The following C12orf42 variants were observed in gnomAD, a reference collection of about 807,000 sequenced individuals.
The protein encoded by C12orf42 is chromosome 12 open reading frame 42.
A neutral mutation model predicts 21.6 loss-of-function variants in C12orf42; 25 were observed. The ratio of observed to expected loss-of-function variants is 1.16; its 90% confidence interval spans 0.84 to 1.62. C12orf42 has a LOEUF of 1.62. C12orf42 is among the 40% of genes most tolerant of loss of function. C12orf42 has a pLI of 0.00. For synonymous variants in C12orf42, 174 were observed against 175.0 expected, an observed-to-expected ratio of 0.99 and a Z score of 0.05; for missense variants, 483 against 459.3, an observed-to-expected ratio of 1.05 and a Z score of -0.47.
chr12:103,251,876 A>C (rs1044747285), intron 10 of C12orf42, among the ~76,000 whole-genome samples: 1 of 152,172 alleles, frequency 6.6e-6, no homozygotes, highest in African/African-American at 2.4e-5. Context: ...TAAAAATATA[A>C]ATTTTCTTAA....
the C12orf42 span, among the ~76,000 whole-genome samples, chr12:103,121,134 C>G: frequency 6.6e-6 from 1 of 152,060 alleles, no homozygotes; most frequent in East Asian, 1.9e-4. Flanking sequence ...AAATTTAAAA[C>G]CAGGGTAAAT....
At chr12:103,101,654 A>G in the C12orf42 span, among the ~76,000 whole-genome samples, 11 of 152,366 alleles carry the variant, frequency 7.2e-5, no homozygotes, top group African/African-American at 2.6e-4. Context: ...TGGATATTTC[A>G]TAAGTGCCTC....
chr12:103,062,638 G>A, the C12orf42 span, among the ~76,000 whole-genome samples: 5 of 152,224 alleles, frequency 3.3e-5, no homozygotes, highest in Non-Finnish European at 5.9e-5. Context: ...CTAATATAAC[G>A]TGTCTTTGTT....
chr12:103,393,715 G>C (rs1401427646), intron 3 of C12orf42, among the ~76,000 whole-genome samples: 3 of 152,100 alleles, frequency 2.0e-5, no homozygotes, highest in African/African-American at 4.8e-5. Flanking sequence ...TTAATGCCTA[G>C]TATATATTGC....
At chr12:103,158,601 C>T in the C12orf42 span, among the ~76,000 whole-genome samples, 4 of 152,166 alleles carry the variant, frequency 2.6e-5, no homozygotes, top group East Asian at 7.7e-4. Flanking sequence ...GGATTGATGG[C>T]TAGGTGTGGT....
chr12:103,239,123 T>A (rs1225063469), intron 10 of C12orf42, among the ~76,000 whole-genome samples: 2 of 152,218 alleles, frequency 1.3e-5, no homozygotes, highest in African/African-American at 4.8e-5. Context: ...AGGCACTCTA[T>A]AATATTTGGA....
At chr12:103,233,666 A>C (rs942074819), downstream of C12orf42, among the ~76,000 whole-genome samples, 3 of 152,184 alleles carry the variant, frequency 2.0e-5, no homozygotes, top group African/African-American at 7.2e-5. Flanking sequence ...TTTATATATT[A>C]ACCTTCCACC....
chr12:103,163,260 A>C, the C12orf42 span, among the ~76,000 whole-genome samples: 1 of 152,234 alleles, frequency 6.6e-6, no homozygotes, highest in Non-Finnish European at 1.5e-5. Context: ...AATTGGCTAA[A>C]TTGATCCTGC....
chr12:103,132,584 G>T, the C12orf42 span, among the ~76,000 whole-genome samples: 2 of 152,154 alleles, frequency 1.3e-5, no homozygotes, highest in Non-Finnish European at 2.9e-5. Flanking sequence ...ACTCCCACCA[G>T]ACTGCATATT....
intron 4 of C12orf42, among the ~76,000 whole-genome samples, chr12:103,332,804 A>G (rs1460181882): frequency 2.0e-5 from 3 of 152,212 alleles, no homozygotes; most frequent in African/African-American, 7.2e-5. Context: ...TAGCCCATGG[A>G]CCAAATCCAG....
At chr12:103,098,633 A>G in the C12orf42 span, among the ~76,000 whole-genome samples, 1 of 152,220 alleles carries the variant, frequency 6.6e-6, no homozygotes, top group Admixed American at 6.5e-5. Flanking sequence ...GTGCAGCTTC[A>G]TCTAGAGAGG....
At chr12:103,542,450 C>T in the C12orf42 span, among the ~76,000 whole-genome samples, 275 of 152,300 alleles carry the variant, frequency 1.8e-3, 2 homozygotes, top group Non-Finnish European at 2.8e-3. Flanking sequence ...AAGGCCACAT[C>T]GATGCAGGTT....
chr12:103,367,770 C>A (rs954436107), intron 4 of C12orf42, among the ~76,000 whole-genome samples: 1 of 151,762 alleles, frequency 6.6e-6, no homozygotes, highest in African/African-American at 2.4e-5. Context: ...TGTATTATCC[C>A]CCCCCAAAAA....
the C12orf42 span, among the ~76,000 whole-genome samples, chr12:103,086,846 G>A: frequency 6.6e-6 from 1 of 152,038 alleles, no homozygotes; most frequent in African/African-American, 2.4e-5. Flanking sequence ...ATGTTCAGCA[G>A]AATTGGAAGC....
chr12:103,274,997 T>C (rs1157626988), intron 5 of C12orf42, among the ~76,000 whole-genome samples: 1 of 152,064 alleles, frequency 6.6e-6, no homozygotes, highest in Non-Finnish European at 1.5e-5. Context: ...GAGATGACCT[T>C]TGGAGAAAAA....
At chr12:103,560,152 T>A in the C12orf42 span, among the ~76,000 whole-genome samples, 227 of 152,288 alleles carry the variant, frequency 1.5e-3, 1 homozygote, top group African/African-American at 5.3e-3. Flanking sequence ...ATACTGGTCA[T>A]TAATGTCCCC....
At chr12:103,222,778 G>A in the C12orf42 span, among the ~76,000 whole-genome samples, 1 of 151,542 alleles carries the variant, frequency 6.6e-6, no homozygotes, top group Non-Finnish European at 1.5e-5. Flanking sequence ...ATCTCTGTAT[G>A]GATGGATCTA....
intron 4 of C12orf42, among the ~76,000 whole-genome samples, chr12:103,340,957 C>T (rs2042107749): frequency 6.6e-6 from 1 of 151,550 alleles, no homozygotes; most frequent in South Asian, 2.1e-4. Context: ...ACTAAAAATA[C>T]AAAAAATTAG....
chr12:103,484,316 A>G (rs1954672258), intron 1 of C12orf42, among the ~76,000 whole-genome samples: 1 of 152,242 alleles, frequency 6.6e-6, no homozygotes, highest in Non-Finnish European at 1.5e-5. Context: ...CATCTTCTCC[A>G]GCATCTGTTG....
Sources: gnomAD v4.1 joint callset for allele counts (sites outside exome capture counted in the v4.1 genomes callset) on GRCh38, gnomAD v4.1.1 for gene constraint, MANE v1.5 for transcripts, NCBI Gene and HGNC (gene_info 2026-07-23, HGNC 2026-07-21) for gene names.